DDA1: variants seen among roughly 807,000 people sequenced by gnomAD.
The protein encoded by DDA1 is DET1 and DDB1 associated 1.
A neutral mutation model predicts 18.6 loss-of-function variants in DDA1; 3 were observed. The observed-to-expected ratio is 0.16, with a 90% CI of 0.07 to 0.42. The LOEUF (loss-of-function observed/expected upper bound fraction) is 0.42. Among genes scored for constraint, DDA1 ranks in the 10% least tolerant of loss-of-function variants. The probability of loss-of-function intolerance (pLI) is 0.99; values close to 1 mark genes in which losing one functional copy is unlikely to be tolerated. For missense variants in DDA1, 105 were observed against 138.2 expected (o/e 0.76, Z 1.20); for synonymous variants, 52 against 54.0 (o/e 0.96, Z 0.17).
In DDA1 at chr19:17,314,588, C is replaced by T; in HGVS notation, c.136+199C>T. The T allele has an allele frequency of 1.5e-6, 1 of 646,520 alleles. No individual in the cohort carries two copies. The highest frequency in any genetic ancestry group is 2.8e-5 in the Admixed American group (1 of 35,134). The allele number at this position is 646,520 out of a possible 1,614,324, so 40.0% of individuals were successfully genotyped here. Reference sequence around the variant, plus strand: ...AGGAGGGGGACCTTGGGGGCTTCAGCCTGGGGATGCACACGTGGATGCCTG... The same window carrying T: ...AGGAGGGGGACCTTGGGGGCTTCAGTCTGGGGATGCACACGTGGATGCCTG... On this transcript the variant is annotated intron_variant, in intron 3 of 4. Transcript: ENST00000359866. This position sits in a 1 kb window ranked among gnomAD's most constrained non-coding sequence, Gnocchi z 4.6.
intron 4 of DDA1, among the ~76,000 whole-genome samples, chr19:17,317,950 CTTCTTT>C (rs1240573095): frequency 6.6e-6 from 1 of 152,080 alleles, no homozygotes; most frequent in Non-Finnish European, 1.5e-5. Context: ...GGATATTTTT[CTTCTTT>C]TTCTTTTTCG....
At chr19:17,311,641 T>G (rs1316127381) in intron 1 of DDA1, among the ~76,000 whole-genome samples, 1 of 152,192 alleles carries the variant, frequency 6.6e-6, no homozygotes, top group Non-Finnish European at 1.5e-5. Flanking sequence ...TTCCTCACAC[T>G]CCAGGTTCCT....
chr19:17,317,290 A>G (rs2074218421), intron 4 of DDA1, among the ~76,000 whole-genome samples: 1 of 152,176 alleles, frequency 6.6e-6, no homozygotes, highest in Non-Finnish European at 1.5e-5. Flanking sequence ...CAGGCAGACC[A>G]TGAGGTCAGG....
chr19:17,310,709 T>C (rs950573068), intron 1 of DDA1, among the ~76,000 whole-genome samples: 3 of 152,198 alleles, frequency 2.0e-5, no homozygotes, highest in African/African-American at 4.8e-5. Context: ...GGGTTCCTAG[T>C]GTGCGGGTCC....
At position 17,319,972 on chromosome 19, in the gene DDA1, CCAGTT is replaced by C. The variant is rs1444408422; in HGVS notation, c.*318_*322del. 3 of 285,484 alleles carry C rather than the reference CCAGTT, an allele frequency of 1.1e-5. No individual in the cohort carries two copies. The Admixed American group carries it at 1.5e-4, about 15-fold the overall frequency. The allele number at this position is 285,484 out of a possible 1,614,324, so 17.7% of individuals were successfully genotyped here. A position where few individuals can be genotyped will look rare whatever the true frequency, so the allele number is the denominator to read the frequency against. ...CGGGCCAGTTCCCCGATTCCTGCCC[CCAGTT>C]CTCCAGAGAACCAGAGTGTGTCTGT... is the stretch of plus-strand genomic sequence containing the variant. On this transcript the variant is annotated 3_prime_UTR_variant, in exon 5 of 5. Coordinates refer to ENST00000359866, the MANE Select transcript of DDA1 (RefSeq NM_024050.6).
At chr19:17,315,174 CACACACGTGTATACACACACGTGTAT>C (rs1568353647) in intron 3 of DDA1, among the ~76,000 whole-genome samples, 866 of 47,180 alleles carry the variant, frequency 0.018, 240 homozygotes, top group African/African-American at 0.038. Context: ...CGTGTATATA[CACACACGTGTATACACACACGTGTAT>C]ACACACGTGT....
intron 1 of DDA1, among the ~76,000 whole-genome samples, chr19:17,311,173 T>C (rs557272893): frequency 6.6e-6 from 1 of 151,572 alleles, no homozygotes; most frequent in East Asian, 1.9e-4. Flanking sequence ...GTTGTTTTTT[T>C]TTTTTCTTTT....
In DDA1 at chr19:17,319,960, C is replaced by G; in HGVS notation, c.*304C>G. On this transcript the variant is annotated 3_prime_UTR_variant, in exon 5 of 5. Transcript: ENST00000359866. ...CCCGCCTTCCATCGGGCCAGTTCCC[C>G]GATTCCTGCCCCCAGTTCTCCAGAG... 2 of 287,546 alleles carry G rather than the reference C, an allele frequency of 7.0e-6. No homozygotes were observed. Among genetic ancestry groups the G allele is most frequent in the Non-Finnish European group, 1.3e-5 (2 of 150,290 alleles). 17.8% of individuals were successfully genotyped at this position (287,546 alleles called of 1,614,324 possible).
intron 1 of DDA1, among the ~76,000 whole-genome samples, chr19:17,313,072 G>A (rs2074186381): frequency 6.6e-6 from 1 of 152,184 alleles, no homozygotes; most frequent in Non-Finnish European, 1.5e-5. Context: ...TTCTCCCAGG[G>A]CAGCTCTCTT....
chr19:17,316,478 G>A (rs1356845425), intron 4 of DDA1, among the ~76,000 whole-genome samples: 1 of 152,070 alleles, frequency 6.6e-6, no homozygotes, highest in Non-Finnish European at 1.5e-5. Flanking sequence ...TACTTGGGAG[G>A]CTGAGGCAGG....
In DDA1 at chr19:17,319,720, C is replaced by A; in HGVS notation, c.*64C>A. Reference sequence around the variant, plus strand: ...CCTCGGTCGCCCACCCGCCTGCCCGCCATGTGTAAGCACCCCGCCCGCCCG... The same window carrying A: ...CCTCGGTCGCCCACCCGCCTGCCCGACATGTGTAAGCACCCCGCCCGCCCG... On this transcript the variant is annotated 3_prime_UTR_variant, in exon 5 of 5. Coordinates refer to ENST00000359866, the MANE Select transcript of DDA1 (RefSeq NM_024050.6). 1 of 1,473,020 alleles carries A rather than the reference C, an allele frequency of 6.8e-7. No homozygotes were observed. Among genetic ancestry groups the A allele is most frequent in the South Asian group, 1.2e-5 (1 of 81,420 alleles). 91.2% of individuals were successfully genotyped at this position (1,473,020 alleles called of 1,614,324 possible).
Position 17,309,572 on chromosome 19 carries a change from T to C in DDA1, c.-83T>C. The C allele has an allele frequency of 7.0e-7, 1 of 1,426,318 alleles. No homozygotes were observed. The highest frequency in any genetic ancestry group is 9.9e-7 in the Non-Finnish European group (1 of 1,013,274). 88.4% of individuals were successfully genotyped at this position (1,426,318 alleles called of 1,614,324 possible). A position where few individuals can be genotyped will look rare whatever the true frequency, so the allele number is the denominator to read the frequency against. ...GCTGTGCCGTGGCTGGAAGTTACTG[T>C]GAGGCGGCGGCTAAGAAGGCGGCTC... On this transcript the variant is annotated 5_prime_UTR_variant, in exon 1 of 5. Transcript: ENST00000359866.
At chr19:17,312,702 C>T (rs2074184857) in intron 1 of DDA1, among the ~76,000 whole-genome samples, 1 of 152,208 alleles carries the variant, frequency 6.6e-6, no homozygotes, top group African/African-American at 2.4e-5. Context: ...CAGCTCTTTG[C>T]CCCACACCAT....
intron 1 of DDA1, 33 bp downstream of exon 1, chr19:17,309,690 C>T (rs758345581): frequency 1.2e-6 from 2 of 1,608,788 alleles, no homozygotes; most frequent in Non-Finnish European, 1.7e-6. Flanking sequence ...CACTCCCCCT[C>T]TGCTAGACAA....
chr19:17,310,956 T>A (rs1402341605), intron 1 of DDA1, among the ~76,000 whole-genome samples: 2 of 152,252 alleles, frequency 1.3e-5, no homozygotes, highest in East Asian at 3.9e-4. Flanking sequence ...AGGAACTTTT[T>A]TTTTGGAGTC....
In DDA1 at chr19:17,314,283, G is replaced by A. The variant is rs1599533854; in HGVS notation, c.85-55G>A. On this transcript the variant is annotated intron_variant, in intron 2 of 4. Transcript: ENST00000359866. The surrounding 1 kb of genome is among the most constrained non-coding windows in gnomAD (Gnocchi z 4.6). ...GGGTGGGTGCTGAGTGGAGGGATGA[G>A]GAGACCCCAGGCCCATGCACTCTCC... 6.2e-7 allele frequency: 1 copy of A among 1,609,288 alleles called. No homozygotes were observed.
chr19:17,311,317 C>T (rs886340277), intron 1 of DDA1, among the ~76,000 whole-genome samples: 3 of 151,916 alleles, frequency 2.0e-5, no homozygotes, highest in African/African-American at 7.3e-5. Flanking sequence ...CCACCATGCC[C>T]GGCTAATTTT....
chr19:17,316,740 T>C (rs1264085490), intron 4 of DDA1, among the ~76,000 whole-genome samples: 1 of 151,592 alleles, frequency 6.6e-6, no homozygotes, highest in African/African-American at 2.4e-5. Flanking sequence ...TAGCCAGGTA[T>C]GCTGGTGGGC....
chr19:17,309,592 C>A lies in DDA1; in HGVS notation c.-63C>A, dbSNP rs1054733392. 18 of 1,562,202 alleles carry A rather than the reference C, an allele frequency of 1.2e-5. No individual in the cohort carries two copies. Among genetic ancestry groups the A allele is most frequent in the Non-Finnish European group, 1.6e-5 (18 of 1,135,210 alleles). ...TACTGTGAGGCGGCGGCTAAGAAGG[C>A]GGCTCTGGTGGCGGCGGTGGAGGCT... is the stretch of plus-strand genomic sequence containing the variant. On this transcript the variant is annotated 5_prime_UTR_variant, in exon 1 of 5. Coordinates refer to ENST00000359866, the MANE Select transcript of DDA1 (RefSeq NM_024050.6).
Sources: allele counts gnomAD v4.1 joint callset (sites outside exome capture counted in the v4.1 genomes callset), GRCh38; gene constraint gnomAD v4.1.1; non-coding constraint Gnocchi (gnomAD v3.1); transcripts MANE v1.5; gene names NCBI Gene and HGNC (gene_info 2026-07-23, HGNC 2026-07-21).